TET3: variants seen among roughly 807,000 people sequenced by gnomAD.
TET3 encodes the protein methylcytosine dioxygenase TET3.
A neutral mutation model predicts 141.4 loss-of-function variants in TET3; 19 were observed. That is an observed-to-expected ratio of 0.13 (90% CI 0.09 to 0.20). The LOEUF is 0.20. Ranked by LOEUF, TET3 falls within the 10% of genes least tolerant of loss-of-function variation. The pLI is 1.00. For missense variants in TET3, 1,874 were observed against 2,356.9 expected (o/e 0.80, Z 4.24); for synonymous variants, 1,043 against 980.9 (o/e 1.06, Z -1.18).
intron 3 of TET3, among the ~76,000 whole-genome samples, chr2:74,037,212 T>G (rs1687114504): frequency 1.3e-5 from 2 of 152,244 alleles, no homozygotes; most frequent in Admixed American, 1.3e-4. Flanking sequence ...AGGGTTCCCC[T>G]AAAACTCTCT....
At chr2:74,002,791 G>T (rs1684930292) in intron 2 of TET3, 2 of 568,598 alleles carry the variant, frequency 3.5e-6, no homozygotes, top group Non-Finnish European at 6.2e-6. Flanking sequence ...CACCAGAGGA[G>T]GCCGGCCGAG....
At chr2:73,988,989 A>AGTT (rs1684187508) in intron 2 of TET3, among the ~76,000 whole-genome samples, 1 of 128,888 alleles carries the variant, frequency 7.8e-6, no homozygotes, top group African/African-American at 3.5e-5. Flanking sequence ...AAAAAAAAAA[A>AGTT]GTTTTTTTTG....
intron 3 of TET3, among the ~76,000 whole-genome samples, chr2:74,010,217 C>T (rs1685356369): frequency 6.6e-6 from 1 of 152,214 alleles, no homozygotes; most frequent in African/African-American, 2.4e-5. Flanking sequence ...TGGCTAGGAG[C>T]CAGAAACCGG....
At chr2:74,117,918 G>A in the TET3 span, among the ~76,000 whole-genome samples, 10 of 152,010 alleles carry the variant, frequency 6.6e-5, no homozygotes, top group Non-Finnish European at 1.2e-4. Context: ...GCTAATTTTT[G>A]TATTTTTAGT....
At chr2:74,076,463 T>TG in intron 5 of TET3, among the ~76,000 whole-genome samples, 1 of 147,824 alleles carries the variant, frequency 6.8e-6, no homozygotes, top group East Asian at 2.0e-4. Context: ...TTTTTTTTTT[T>TG]TTTTTTTGTC....
chr2:74,131,381 A>T, the TET3 span, among the ~76,000 whole-genome samples: 1 of 152,078 alleles, frequency 6.6e-6, no homozygotes, highest in Non-Finnish European at 1.5e-5. Context: ...TGGTCGGTGG[A>T]CTGGCTCTCC....
intron 8 of TET3, 35 bp downstream of exon 8, chr2:74,090,082 C>T (rs1427381899): frequency 1.2e-6 from 2 of 1,607,378 alleles, no homozygotes; most frequent in South Asian, 1.1e-5. Flanking sequence ...TGCCTCCCAT[C>T]CTTTCTCGCC....
At chr2:73,988,999 G>GT (rs57748474) in intron 2 of TET3, among the ~76,000 whole-genome samples, 34,812 of 107,686 alleles carry the variant, frequency 0.32, 5,800 homozygotes, top group Non-Finnish European at 0.44. Flanking sequence ...AGTTTTTTTT[G>GT]TTTTTTTTTT....
intron 3 of TET3, among the ~76,000 whole-genome samples, chr2:74,034,258 T>C (rs1390147294): frequency 6.6e-6 from 1 of 151,394 alleles, no homozygotes; most frequent in Admixed American, 6.6e-5. Flanking sequence ...TTTTTTTTTT[T>C]ATGTATTACT....
At chr2:74,122,519 T>A in the TET3 span, 406 of 108,988 alleles carry the variant, frequency 3.7e-3, 2 homozygotes, top group East Asian at 6.2e-3. Context: ...ATATTTTTTT[T>A]TTTTTTTTTT....
At chr2:74,062,522 G>C (rs907451422) in intron 4 of TET3, among the ~76,000 whole-genome samples, 11 of 152,200 alleles carry the variant, frequency 7.2e-5, no homozygotes, top group Non-Finnish European at 1.2e-4. Flanking sequence ...CCAGTGAAAA[G>C]CAGAAGTAAA....
At chr2:74,061,643 C>T (rs560757160) in intron 4 of TET3, among the ~76,000 whole-genome samples, 22 of 149,968 alleles carry the variant, frequency 1.5e-4, no homozygotes, top group African/African-American at 4.2e-4. Flanking sequence ...CAGGCAGAGA[C>T]GCTCCTCACT....
chr2:74,011,770 G>A (rs907920264), intron 3 of TET3, among the ~76,000 whole-genome samples: 1 of 152,006 alleles, frequency 6.6e-6, no homozygotes. Context: ...TGGGTGTGGT[G>A]GCTCATGCCA....
intron 3 of TET3, among the ~76,000 whole-genome samples, chr2:74,009,428 G>T (rs1685312480): frequency 6.6e-6 from 1 of 152,172 alleles, no homozygotes; most frequent in African/African-American, 2.4e-5. Context: ...GCTCAGGCTG[G>T]GGTACAGAGG....
chr2:74,104,619 T>C lies in TET3; in HGVS notation c.*2443T>C, dbSNP rs1283371148. On this transcript the variant is annotated 3_prime_UTR_variant, in exon 12 of 12. Coordinates refer to ENST00000409262, the MANE Select transcript of TET3 (RefSeq NM_001287491.2). ...TGTATGACCCGTGGAAGCCCCAGGTTGGCTGTTGGTTTGGAAGGTCCCGAG... is the reference window on the plus strand; with the variant it reads ...TGTATGACCCGTGGAAGCCCCAGGTCGGCTGTTGGTTTGGAAGGTCCCGAG... 1.3e-5 allele frequency: 2 copies of C among 152,318 alleles called. No homozygotes were observed. Among genetic ancestry groups the C allele is most frequent in the African/African-American group, 4.8e-5 (2 of 41,448 alleles). The allele number at this position is 152,318 out of a possible 1,614,324, so 9.4% of individuals were successfully genotyped here. A position where few individuals can be genotyped will look rare whatever the true frequency, so the allele number is the denominator to read the frequency against.
In TET3 at chr2:74,087,726, C is replaced by G. The variant is rs989561077; in HGVS notation, c.2680-104C>G. On this transcript the variant is annotated intron_variant, in intron 6 of 11. Transcript: ENST00000409262. This position sits in a 1 kb window ranked among gnomAD's most constrained non-coding sequence, Gnocchi z 4.3. ...GGGCATGACATCCCTAGAACCCTGC[C>G]GTTAAGACCTGCACCCTGGGTCTGT... 1.6e-5 allele frequency: 19 copies of G among 1,157,784 alleles called. No homozygotes were observed. In the African/African-American group the frequency reaches 2.8e-4, roughly 17 times the overall value. The allele number at this position is 1,157,784 out of a possible 1,614,324, so 71.7% of individuals were successfully genotyped here. A position where few individuals can be genotyped will look rare whatever the true frequency, so the allele number is the denominator to read the frequency against.
intron 4 of TET3, among the ~76,000 whole-genome samples, chr2:74,050,221 G>C (rs1687875369): frequency 6.6e-6 from 1 of 152,140 alleles, no homozygotes; most frequent in South Asian, 2.1e-4. Context: ...TTACTAGCTG[G>C]GAGTGCTTGG....
At position 74,008,768 on chromosome 2, in the gene TET3, T is replaced by TA. The variant is rs144737644; in HGVS notation, c.360+5602_360+5603insA. 4.8e-3 allele frequency among the ~76,000 whole-genome samples: 723 copies of TA among 149,382 alleles called. 6 individuals are homozygous for TA. The highest frequency in any genetic ancestry group is 0.017 in the African/African-American group (693 of 40,440). On this transcript the variant is annotated intron_variant, in intron 3 of 11. Coordinates refer to ENST00000409262, the MANE Select transcript of TET3 (RefSeq NM_001287491.2). The stretch of plus-strand genomic sequence containing the variant: ...CTAGAGGAGAGTAGGAAGGGAGGGG[T>TA]GGGGGGAGGTAACAGTATCTTGCCA...
rs1443377796 is a variant in TET3 at position 74,046,557 on chromosome 2, G to C, written c.640G>C (p.Gly214Arg). 1 of 1,613,900 alleles carries C rather than the reference G, an allele frequency of 6.2e-7. No individual in the cohort carries two copies. Among genetic ancestry groups the C allele is most frequent in the Non-Finnish European group, 8.5e-7 (1 of 1,179,888 alleles). ...TGTGGCCGAAGCTGTGTCCTCTTAT[G>C]GGGCCCTTAGCACCCGGCTCTATGA... ...SAVAEAVSSY[G>R]ALSTRLYETF... The change falls in exon 4 of 12, where the codon GGG (glycine) becomes CGG (arginine). Residue 214 changes from glycine to arginine, a missense_variant. This residue lies in a region of TET3 where 366 missense variants were observed against 487.0 expected (regional missense o/e 0.75). Transcript: ENST00000409262. The surrounding 1 kb of genome is among the most constrained non-coding windows in gnomAD (Gnocchi z 4.3).
Sources: allele counts gnomAD v4.1 joint callset (sites outside exome capture counted in the v4.1 genomes callset), GRCh38; gene constraint gnomAD v4.1.1; regional missense constraint gnomAD v4.1.1; non-coding constraint Gnocchi (gnomAD v3.1); transcripts MANE v1.5; gene names NCBI Gene and HGNC (gene_info 2026-07-23, HGNC 2026-07-21).